Variants in FSD1L observed in about 807,000 individuals in gnomAD.
FSD1L encodes the protein FSD1-like protein.
In FSD1L, 45 loss-of-function variants were observed where a neutral mutation model predicts 71.6. The ratio of observed to expected loss-of-function variants is 0.63; its 90% CI spans 0.49 to 0.81. The LOEUF is 0.81. Among genes scored for constraint, FSD1L ranks in the 30% least tolerant of loss-of-function variants. The pLI is 0.00. For synonymous variants in FSD1L, 197 were observed against 207.2 expected, an observed-to-expected ratio of 0.95 and a Z score of 0.42; for missense variants, 561 against 618.1, an observed-to-expected ratio of 0.91 and a Z score of 0.98.
intron 1 of FSD1L, among the ~76,000 whole-genome samples, chr9:105,457,459 T>C (rs1830427612): frequency 6.6e-6 from 1 of 152,180 alleles, no homozygotes; most frequent in African/African-American, 2.4e-5. Flanking sequence ...AGAGAACTGA[T>C]TACTGGGGAG....
At chr9:105,491,883 C>T (rs1484125656) in intron 7 of FSD1L, among the ~76,000 whole-genome samples, 2 of 152,160 alleles carry the variant, frequency 1.3e-5, no homozygotes, top group African/African-American at 4.8e-5. Context: ...TTTTGATGTG[C>T]TGCTGGATTC....
chr9:105,492,122 T>C (rs1832986028), intron 7 of FSD1L, among the ~76,000 whole-genome samples: 2 of 152,168 alleles, frequency 1.3e-5, no homozygotes, highest in Non-Finnish European at 2.9e-5. Flanking sequence ...TGAATCCATC[T>C]GGTCCTGGAC....
Position 105,522,543 on chromosome 9 carries a change from C to G in FSD1L, c.1025+9607C>G. On this transcript the variant is annotated intron_variant, in intron 10 of 13. Transcript: ENST00000481272. The stretch of plus-strand genomic sequence containing the variant: ...CGATATTGATGATGCTCAAATACTT[C>G]CCCGCTCAACTAGAGTCAGACATTT... 8 of 1,613,586 alleles carry G rather than the reference C, an allele frequency of 5.0e-6. No individual in the cohort carries two copies. In the South Asian group the frequency reaches 7.7e-5, roughly 16 times the overall value.
intron 10 of FSD1L, chr9:105,524,113 G>A (rs920111431): frequency 4.0e-5 from 65 of 1,612,018 alleles, no homozygotes; most frequent in Middle Eastern, 2.2e-4. Context: ...GAGCCCTCTG[G>A]TCCTGCACGA....
intron 9 of FSD1L, among the ~76,000 whole-genome samples, chr9:105,510,275 C>G (rs1834317403): frequency 6.6e-6 from 1 of 152,158 alleles, no homozygotes; most frequent in South Asian, 2.1e-4. Context: ...AAACTCAACT[C>G]TGAGACCCAC....
At chr9:105,478,242 C>G (rs545397393) in intron 5 of FSD1L, among the ~76,000 whole-genome samples, 1 of 152,180 alleles carries the variant, frequency 6.6e-6, no homozygotes, top group East Asian at 1.9e-4. Flanking sequence ...AAGACTCTGT[C>G]TCAAAAAGAA....
chr9:105,548,463 C>A lies in FSD1L; in HGVS notation c.*1980C>A, dbSNP rs1837128891. ...ATTCTTTCTTCTCATTAATTCAGTG[C>A]CTTTTTCCTCTAAGCATACTCTTGG... On this transcript the variant is annotated 3_prime_UTR_variant, in exon 14 of 14. Coordinates refer to ENST00000481272, the MANE Select transcript of FSD1L (RefSeq NM_001145313.3). The A allele has an allele frequency of 6.6e-6, 1 of 152,466 alleles. No individual in the cohort carries two copies. Among genetic ancestry groups the A allele is most frequent in the African/African-American group, 2.4e-5 (1 of 41,414 alleles). 9.4% of individuals were successfully genotyped at this position (152,466 alleles called of 1,614,324 possible).
chr9:105,447,134 A>G (rs1829676648), upstream of FSD1L, among the ~76,000 whole-genome samples: 1 of 151,878 alleles, frequency 6.6e-6, no homozygotes, highest in South Asian at 2.1e-4. Context: ...GACCATCCTA[A>G]GCAACATGGC....
intron 10 of FSD1L, among the ~76,000 whole-genome samples, chr9:105,514,424 G>A (rs1589051538): frequency 1.3e-5 from 2 of 152,040 alleles, no homozygotes; most frequent in South Asian, 2.1e-4. Context: ...ATATTTGTTT[G>A]CTGTAGGATG....
At chr9:105,473,209 G>A (rs1831586406) in intron 5 of FSD1L, 1 of 152,444 alleles carries the variant, frequency 6.6e-6, no homozygotes, top group East Asian at 1.9e-4. Context: ...CGAAGGCTGA[G>A]ATGGGAGGAT....
chr9:105,520,743 G>C (rs1182622280), intron 10 of FSD1L: 2 of 1,613,266 alleles, frequency 1.2e-6, no homozygotes, highest in East Asian at 4.5e-5. Flanking sequence ...ACCACAGTCT[G>C]AACATGGACC....
At chr9:105,447,756 G>A (rs1214780276), upstream of FSD1L, 1 of 227,418 alleles carries the variant, frequency 4.4e-6, no homozygotes, top group Non-Finnish European at 8.6e-6. Context: ...ATGCGTGCTG[G>A]GTGGAGGGTG....
chr9:105,490,984 TG>T (rs1832898760), intron 7 of FSD1L, among the ~76,000 whole-genome samples: 1 of 145,248 alleles, frequency 6.9e-6, no homozygotes, highest in Non-Finnish European at 1.5e-5. Context: ...GACTTGGCGA[TG>T]TGGGCTCTTT....
rs1832170565 is a variant in FSD1L, at chr9:105,481,184, T to TG, written c.464+1808_464+1809insG. Among the ~76,000 whole-genome samples, 6 of 125,692 alleles carry TG rather than the reference T, an allele frequency of 4.8e-5. No homozygotes were observed. In the East Asian group the frequency reaches 8.8e-4, roughly 18 times the overall value. The allele number at this position is 125,692 out of a possible 152,430, so 82.5% of individuals were successfully genotyped here. A position where few individuals can be genotyped will look rare whatever the true frequency, so the allele number is the denominator to read the frequency against. On this transcript the variant is annotated intron_variant, in intron 6 of 13. Coordinates refer to ENST00000481272, the MANE Select transcript of FSD1L (RefSeq NM_001145313.3). ...GTGTGTGTGTGTGTGTGTGTGGTTC[T>TG]TTTTTTTTTTTTTTTTTTTTGCTTG...
chr9:105,499,424 T>A (rs1285701391), intron 7 of FSD1L, among the ~76,000 whole-genome samples: 1 of 152,192 alleles, frequency 6.6e-6, no homozygotes, highest in African/African-American at 2.4e-5. Context: ...AAGAACTTTT[T>A]AAAAACATTT....
At chr9:105,459,383 C>G (rs1178893705) in intron 1 of FSD1L, among the ~76,000 whole-genome samples, 1 of 152,166 alleles carries the variant, frequency 6.6e-6, no homozygotes, top group East Asian at 1.9e-4. Flanking sequence ...CCAGCCAGTC[C>G]CCATTCTTGT....
chr9:105,523,448 G>A lies in FSD1L; in HGVS notation c.1025+10512G>A, dbSNP rs111656602. 2,691 of 1,610,164 alleles carry A rather than the reference G, an allele frequency of 1.7e-3. 43 individuals are homozygous for A. The African/African-American group carries it at 0.032, about 19-fold the overall frequency. ...ATGCTGATGTTGCTACTGTAATGTG[G>A]CGAAGAATGCTAGGCATTTTGGGAG... On this transcript the variant is annotated intron_variant, in intron 10 of 13. Coordinates refer to ENST00000481272, the MANE Select transcript of FSD1L (RefSeq NM_001145313.3).
chr9:105,459,146 T>C (rs1309109773), intron 1 of FSD1L, among the ~76,000 whole-genome samples: 2 of 152,234 alleles, frequency 1.3e-5, no homozygotes, highest in African/African-American at 4.8e-5. Context: ...ACCTTTTACT[T>C]GACTCCTACC....
intron 12 of FSD1L, among the ~76,000 whole-genome samples, chr9:105,536,586 A>C (rs542294030): frequency 6.6e-5 from 10 of 152,104 alleles, no homozygotes; most frequent in Admixed American, 5.2e-4. Flanking sequence ...CATTATGTCA[A>C]ATTGTCTTTT....
Sources: allele counts gnomAD v4.1 joint callset (sites outside exome capture counted in the v4.1 genomes callset), GRCh38; gene constraint gnomAD v4.1.1; transcripts MANE v1.5; gene names NCBI Gene and HGNC (gene_info 2026-07-23, HGNC 2026-07-21).